Variants in DZIP3 observed in about 807,000 individuals in gnomAD.
The protein encoded by DZIP3 is DAZ interacting zinc finger protein 3.
A neutral mutation model predicts 162.0 loss-of-function variants in DZIP3; 118 were observed. That is an observed-to-expected ratio of 0.73 (90% CI 0.63 to 0.85). The LOEUF (loss-of-function observed/expected upper bound fraction) is 0.85. Ranked by LOEUF, DZIP3 falls within the 40% of genes least tolerant of loss-of-function variation. The probability of loss-of-function intolerance (pLI) is 0.00; values close to 1 mark genes in which losing one functional copy is unlikely to be tolerated. For missense variants in DZIP3, 1,331 were observed against 1,407.0 expected, an observed-to-expected ratio of 0.95 and a Z score of 0.86; for synonymous variants, 438 against 458.6, an observed-to-expected ratio of 0.96 and a Z score of 0.57.
intron 1 of DZIP3, among the ~76,000 whole-genome samples, chr3:108,593,391 A>G (rs1939532557): frequency 6.6e-6 from 1 of 152,174 alleles, no homozygotes; most frequent in Non-Finnish European, 1.5e-5. Context: ...TCTTTGCTTC[A>G]GGTTTTGATT....
At chr3:108,607,133 A>T (rs994936440) in intron 2 of DZIP3, among the ~76,000 whole-genome samples, 5 of 152,110 alleles carry the variant, frequency 3.3e-5, no homozygotes, top group African/African-American at 1.2e-4. Flanking sequence ...TTACCGTGGC[A>T]CCTTAAAGAG....
At chr3:108,600,517 C>A (rs1210159283) in intron 1 of DZIP3, among the ~76,000 whole-genome samples, 1 of 152,050 alleles carries the variant, frequency 6.6e-6, no homozygotes, top group African/African-American at 2.4e-5. Flanking sequence ...ATTATGTTGT[C>A]TTTTGTGTCA....
chr3:108,642,536 CCTT>C, intron 13 of DZIP3, 22 bp downstream of exon 13: 1 of 1,429,086 alleles, frequency 7.0e-7, no homozygotes, highest in South Asian at 1.3e-5. Context: ...TTTTTATATG[CCTT>C]CTGTTGAAAA....
Position 108,625,941 on chromosome 3 carries a change from C to A in DZIP3, c.553C>A (p.Arg185Ser), listed in dbSNP as rs199621537. Residue 185 changes from arginine to serine, a missense_variant, in exon 7 of 33, where the codon CGT becomes AGT. Arg to Ser is a moderately radical substitution (Grantham distance 110). Coordinates refer to ENST00000361582, the MANE Select transcript of DZIP3 (RefSeq NM_014648.4). ...CTTTATGTCTTTAGTTTATTTTGGA[C>A]GTGGTTTACTGCGATGTGCTCAAAA... ...ENFMSLVYFGRGLLRCAQKRY... is the reference protein window; with the variant it reads ...ENFMSLVYFGSGLLRCAQKRY... 6.2e-7 allele frequency: 1 copy of A among 1,613,250 alleles called. No individual in the cohort carries two copies. Among genetic ancestry groups the A allele is most frequent in the Non-Finnish European group, 8.5e-7 (1 of 1,179,718 alleles).
intron 1 of DZIP3, 120 bp from the exon 2 acceptor site, chr3:108,605,215 G>A (rs1200613358): frequency 5.6e-6 from 4 of 710,666 alleles, no homozygotes; most frequent in African/African-American, 1.9e-5. Flanking sequence ...GCGAAACTAT[G>A]ATTCATTTTC....
chr3:108,623,773 G>A (rs1317764730), intron 5 of DZIP3, among the ~76,000 whole-genome samples: 1 of 152,192 alleles, frequency 6.6e-6, no homozygotes, highest in Non-Finnish European at 1.5e-5. Context: ...GAGCACTTTG[G>A]CCCACACTGG....
rs140410300 is a variant in DZIP3 at position 108,632,957 on chromosome 3, T to G, written c.701T>G (p.Leu234Arg). 7.2e-7 allele frequency: 1 copy of G among 1,392,006 alleles called. No individual in the cohort carries two copies. Among genetic ancestry groups the G allele is most frequent in the African/African-American group, 1.5e-5 (1 of 67,892 alleles). 86.2% of individuals were successfully genotyped at this position (1,392,006 alleles called of 1,614,324 possible). The change falls in exon 9 of 33, where the codon CTT becomes CGT. Residue 234 changes from leucine (L) to arginine (R), a missense_variant. Leu to Arg is a moderately radical substitution (Grantham distance 102). Transcript: ENST00000361582. ...CTTTCTGTTTTTAAAATCTAGGATC[T>G]TCTTAATAATTTTATCAAGACAACT... ...DEDLPTTFKD[L>R]LNNFIKTTES...
chr3:108,645,882 A>G (rs1195852654), intron 14 of DZIP3, among the ~76,000 whole-genome samples: 1 of 152,198 alleles, frequency 6.6e-6, no homozygotes, highest in African/African-American at 2.4e-5. Context: ...GGTTTTAAAA[A>G]ATACATTTAC....
intron 13 of DZIP3, among the ~76,000 whole-genome samples, chr3:108,643,584 C>A (rs1247039214): frequency 6.6e-6 from 1 of 150,386 alleles, no homozygotes; most frequent in African/African-American, 2.5e-5. Flanking sequence ...TTTGGCATTT[C>A]TTGATATAGA....
intron 14 of DZIP3, among the ~76,000 whole-genome samples, chr3:108,646,079 T>G (rs143596734): frequency 5.3e-5 from 8 of 152,372 alleles, no homozygotes; most frequent in Non-Finnish European, 8.8e-5. Flanking sequence ...AGTTGCTTTT[T>G]ATTTGGATAT....
At position 108,611,305 on chromosome 3, in the gene DZIP3, A is replaced by C; in HGVS notation, c.234A>C (p.Glu78Asp). The C allele has an allele frequency of 6.2e-7, 1 of 1,612,286 alleles. No individual in the cohort carries two copies. Among genetic ancestry groups the C allele is most frequent in the Non-Finnish European group, 8.5e-7 (1 of 1,179,428 alleles). ...VVPHIKKFLQ[E>D]DFSFQTMQRE... ...CTCACATTAAGAAGTTCTTACAAGA[A>C]GATTTTTCCTTCCAAACTATGCAGG... The change falls in exon 4 of 33, where the codon GAA becomes GAC. Residue 78 changes from glutamate to aspartate, a missense_variant. Physicochemically the swap from Glu to Asp is conservative, Grantham distance 45. This residue lies in a region of DZIP3 where 1,278 missense variants were observed against 1,317.1 expected (regional missense o/e 0.97). Transcript: ENST00000361582.
rs1462935354 is a variant in DZIP3, at chr3:108,694,793, C to G, written c.*1440C>G. 2 of 152,158 alleles carry G rather than the reference C, an allele frequency of 1.3e-5. No homozygotes were observed. The highest frequency in any genetic ancestry group is 2.9e-5 in the Non-Finnish European group (2 of 68,026). The allele number at this position is 152,158 out of a possible 1,614,324, so 9.4% of individuals were successfully genotyped here. ...AATGTTTCTTAGTTCATACTTACAA[C>G]TGCAATTTCACTTTCATTTAGAAAA... On this transcript the variant is annotated 3_prime_UTR_variant, in exon 33 of 33. Coordinates refer to ENST00000361582, the MANE Select transcript of DZIP3 (RefSeq NM_014648.4).
chr3:108,606,691 GT>G (rs1452935272), intron 2 of DZIP3, among the ~76,000 whole-genome samples: 1 of 152,140 alleles, frequency 6.6e-6, no homozygotes, highest in Non-Finnish European at 1.5e-5. Flanking sequence ...AATTTTTGGG[GT>G]GTATTTTGAC....
intron 1 of DZIP3, among the ~76,000 whole-genome samples, chr3:108,593,676 CT>C (rs79432134): frequency 0.24 from 28,888 of 120,996 alleles, 3,183 homozygotes; most frequent in East Asian, 0.46. Context: ...GAATTTCTTT[CT>C]TTTTTTTTTT....
chr3:108,641,860 G>C (rs753402071), intron 12 of DZIP3, among the ~76,000 whole-genome samples: 9 of 151,962 alleles, frequency 5.9e-5, no homozygotes, highest in Non-Finnish European at 1.3e-4. Context: ...TTTTTGTTTT[G>C]TTTTCCGTGG....
intron 21 of DZIP3, among the ~76,000 whole-genome samples, chr3:108,663,752 A>G (rs567361615): frequency 2.0e-5 from 3 of 152,164 alleles, no homozygotes; most frequent in Admixed American, 6.5e-5. Context: ...GCACTCTTAC[A>G]TGCTTCAGGC....
intron 2 of DZIP3, 37 bp from the exon 3 acceptor site, chr3:108,608,052 A>C (rs1940479383): frequency 8.6e-6 from 13 of 1,512,498 alleles, no homozygotes; most frequent in Admixed American, 1.7e-5. Context: ...CTTTGTGAGA[A>C]GATGCTCTTA....
intron 14 of DZIP3, among the ~76,000 whole-genome samples, chr3:108,646,193 A>T (rs192509120): frequency 2.6e-5 from 4 of 152,050 alleles, no homozygotes; most frequent in Non-Finnish European, 5.9e-5. Context: ...CCTGATGTAC[A>T]TTGTAGGTGC....
In DZIP3 at chr3:108,644,223, A is replaced by G. The variant is rs761146965; in HGVS notation, c.1201A>G (p.Ile401Val). ...TTTCTATCATCTGCTTCATATAATT[A>G]TTATTTCTGGTACTGACATTGTTCG... ...NYFYHLLHII[I>V]ISGTDIVRQI... Residue 401 changes from isoleucine (I) to valine (V), a missense_variant, in exon 14 of 33, where the codon ATT becomes GTT. By Grantham distance (29) the Ile-to-Val change is conservative. This residue lies in a region of DZIP3 where 1,278 missense variants were observed against 1,317.1 expected (regional missense o/e 0.97). Coordinates refer to ENST00000361582, the MANE Select transcript of DZIP3 (RefSeq NM_014648.4). 6.2e-7 allele frequency: 1 copy of G among 1,612,152 alleles called. No homozygotes were observed. The highest frequency in any genetic ancestry group is 1.1e-5 in the South Asian group (1 of 90,668).
Sources: gnomAD v4.1 joint callset for allele counts (sites outside exome capture counted in the v4.1 genomes callset) on GRCh38, gnomAD v4.1.1 for gene constraint, gnomAD v4.1.1 regional missense constraint, MANE v1.5 for transcripts, NCBI Gene and HGNC (gene_info 2026-07-23, HGNC 2026-07-21) for gene names.